SLC8A1: variants seen among roughly 807,000 people sequenced by gnomAD.
SLC8A1 encodes sodium/calcium exchanger 1.
A neutral mutation model predicts 68.3 loss-of-function variants in SLC8A1; 18 were observed. That is an observed-to-expected ratio of 0.26 (90% CI 0.18 to 0.39). The LOEUF (loss-of-function observed/expected upper bound fraction) is 0.39, where lower values mean the gene tolerates loss of function less well. SLC8A1 is among the 10% of genes least tolerant of loss of function. The pLI is 1.00. For missense variants in SLC8A1, 985 were observed against 1,156.7 expected (o/e 0.85, Z 2.15); for synonymous variants, 475 against 415.5 (o/e 1.14, Z -1.74).
At chr2:40,252,259 C>G (rs987860278) in intron 2 of SLC8A1, among the ~76,000 whole-genome samples, 3 of 151,816 alleles carry the variant, frequency 2.0e-5, no homozygotes, top group African/African-American at 4.8e-5. Flanking sequence ...CCAGTGAAGT[C>G]TGACAAAATA....
intron 1 of SLC8A1, among the ~76,000 whole-genome samples, chr2:40,449,332 A>G (rs1702020799): frequency 6.6e-6 from 1 of 152,206 alleles, no homozygotes; most frequent in African/African-American, 2.4e-5. Context: ...TATTTTGTCA[A>G]AGAAATAGAT....
intron 7 of SLC8A1, among the ~76,000 whole-genome samples, chr2:40,124,987 A>G (rs1353508929): frequency 6.6e-6 from 1 of 152,214 alleles, no homozygotes; most frequent in Admixed American, 6.5e-5. Flanking sequence ...AAAGGTGCAA[A>G]TGGCTGAATG....
In SLC8A1 at chr2:40,400,708, A is replaced by C. The variant is rs557193759; in HGVS notation, c.1808+27765T>G. Among the ~76,000 whole-genome samples the C allele has an allele frequency of 2.6e-5, 4 of 152,250 alleles. No individual in the cohort carries two copies. The East Asian group carries it at 7.7e-4, about 29-fold the overall frequency. On this transcript the variant is annotated intron_variant, in intron 2 of 7. Coordinates refer to ENST00000406785, the Ensembl canonical transcript of SLC8A1. ...GTGGGAGGGACAGAGAGCCACGGAA[A>C]GAAAGGTACCAGTTCCCTTGCAAGA... is the stretch of plus-strand genomic sequence containing the variant.
intron 2 of SLC8A1, among the ~76,000 whole-genome samples, chr2:40,361,730 T>C (rs1674683947): frequency 6.6e-6 from 1 of 151,864 alleles, no homozygotes; most frequent in Non-Finnish European, 1.5e-5. Context: ...CCCTATATGG[T>C]AAGTGGCCAC....
At chr2:40,221,449 G>C (rs532296148) in intron 2 of SLC8A1, among the ~76,000 whole-genome samples, 4 of 152,106 alleles carry the variant, frequency 2.6e-5, no homozygotes, top group Non-Finnish European at 4.4e-5. Context: ...AAACCTGGAA[G>C]CATTCCCTTT....
At chr2:40,328,108 G>A (rs1336104689) in intron 2 of SLC8A1, among the ~76,000 whole-genome samples, 1 of 152,166 alleles carries the variant, frequency 6.6e-6, no homozygotes, top group Non-Finnish European at 1.5e-5. Flanking sequence ...TAAAGAGTTA[G>A]ACTTTTGGGA....
At chr2:40,268,967 A>T (rs1209004684) in intron 2 of SLC8A1, among the ~76,000 whole-genome samples, 1 of 152,206 alleles carries the variant, frequency 6.6e-6, no homozygotes, top group African/African-American at 2.4e-5. Context: ...TAAGGAACAC[A>T]ATTCAGAGAA....
intron 2 of SLC8A1, among the ~76,000 whole-genome samples, chr2:40,323,975 TAG>T (rs1331871531): frequency 4.0e-5 from 6 of 151,388 alleles, no homozygotes; most frequent in African/African-American, 1.5e-4. Flanking sequence ...AACTTATAAA[TAG>T]AGTTACTATG....
At chr2:40,260,904 A>T (rs1048476558) in intron 2 of SLC8A1, among the ~76,000 whole-genome samples, 3 of 152,192 alleles carry the variant, frequency 2.0e-5, no homozygotes, top group African/African-American at 7.2e-5. Context: ...GTTTCCTTCA[A>T]GAACTTTTCA....
At chr2:40,398,840 T>G (rs10490048) in intron 2 of SLC8A1, among the ~76,000 whole-genome samples, 8 of 152,228 alleles carry the variant, frequency 5.3e-5, no homozygotes, top group African/African-American at 1.9e-4. Context: ...CCCAGTTTGA[T>G]TGATAAATGA....
At chr2:40,197,533 G>T (rs1377041812) in intron 2 of SLC8A1, among the ~76,000 whole-genome samples, 2 of 151,938 alleles carry the variant, frequency 1.3e-5, no homozygotes, top group Non-Finnish European at 2.9e-5. Flanking sequence ...AGACAGTTAC[G>T]ATAAAATTAG....
intron 2 of SLC8A1, among the ~76,000 whole-genome samples, chr2:40,307,476 T>C (rs1456804434): frequency 3.3e-5 from 5 of 152,194 alleles, no homozygotes; most frequent in Non-Finnish European, 7.3e-5. Context: ...GATGTGAATA[T>C]ACTTAACACT....
At chr2:40,384,854 G>C (rs9679652) in intron 2 of SLC8A1, among the ~76,000 whole-genome samples, 2,970 of 151,944 alleles carry the variant, frequency 0.02, 95 homozygotes, top group African/African-American at 0.067. Flanking sequence ...CTTTTCTGTG[G>C]TCAGATGAGT....
intron 2 of SLC8A1, among the ~76,000 whole-genome samples, chr2:40,273,208 T>G (rs1358028678): frequency 3.9e-5 from 6 of 152,030 alleles, no homozygotes; most frequent in Non-Finnish European, 7.4e-5. Flanking sequence ...CCCAAAGTGC[T>G]GGGATTACAG....
At chr2:40,369,252 C>A (rs1318478915) in intron 2 of SLC8A1, among the ~76,000 whole-genome samples, 1 of 152,078 alleles carries the variant, frequency 6.6e-6, no homozygotes, top group Non-Finnish European at 1.5e-5. Flanking sequence ...AAAGAGACAA[C>A]CTACAGAATA....
intron 1 of SLC8A1, among the ~76,000 whole-genome samples, chr2:40,464,231 C>T (rs1445254213): frequency 6.6e-6 from 1 of 152,096 alleles, no homozygotes; most frequent in Non-Finnish European, 1.5e-5. Context: ...CGGGCAGTTC[C>T]CTGAACCAGA....
At chr2:40,450,853 T>C (rs1399976452) in intron 1 of SLC8A1, among the ~76,000 whole-genome samples, 3 of 152,196 alleles carry the variant, frequency 2.0e-5, no homozygotes, top group Non-Finnish European at 4.4e-5. Context: ...CTTCTAAAAA[T>C]GCTTTGTTAA....
At chr2:40,498,319 G>T (rs1313045287) in intron 1 of SLC8A1, among the ~76,000 whole-genome samples, 1 of 152,012 alleles carries the variant, frequency 6.6e-6, no homozygotes, top group Non-Finnish European at 1.5e-5. Context: ...CTCCAAATTT[G>T]TTCAGACATT....
chr2:40,390,078 A>G (rs1377331876), intron 2 of SLC8A1, among the ~76,000 whole-genome samples: 3 of 152,142 alleles, frequency 2.0e-5, no homozygotes, highest in African/African-American at 7.2e-5. Flanking sequence ...GTTGTAATGT[A>G]TTATTAGGCA....
Sources: allele counts gnomAD v4.1 joint callset (sites outside exome capture counted in the v4.1 genomes callset), GRCh38; gene constraint gnomAD v4.1.1; transcripts MANE v1.5; gene names NCBI Gene and HGNC (gene_info 2026-07-23, HGNC 2026-07-21).